The following CTNNBIP1 variants were observed in gnomAD, a reference collection of about 807,000 sequenced individuals.
The protein encoded by CTNNBIP1 is beta-catenin-interacting protein 1.
Under a neutral mutation model 11.8 loss-of-function variants are expected in CTNNBIP1, and 7 were observed. That is an observed-to-expected ratio of 0.60 (90% confidence interval 0.34 to 1.12). CTNNBIP1 has a LOEUF of 1.12. Among genes scored for constraint, CTNNBIP1 ranks in the 50% most tolerant of loss-of-function variants. The pLI is 0.03. For synonymous variants in CTNNBIP1, 58 were observed against 43.9 expected, an observed-to-expected ratio of 1.32 and a Z score of -1.26; for missense variants, 101 against 113.4, an observed-to-expected ratio of 0.89 and a Z score of 0.50.
At chr1:9,864,591 G>C (rs1638706426) in intron 5 of CTNNBIP1, among the ~76,000 whole-genome samples, 1 of 152,202 alleles carries the variant, frequency 6.6e-6, no homozygotes, top group Non-Finnish European at 1.5e-5. Flanking sequence ...GCCTCCGAAA[G>C]TGCTGAGATT....
chr1:9,880,777 G>A lies in CTNNBIP1; in HGVS notation c.-109-2788C>T, dbSNP rs1329369850. On this transcript the variant is annotated intron_variant, in intron 2 of 5. Transcript: ENST00000377263. ...CCCATCCATGTAAGACAGTAAGCAC[G>A]CTCCAATAACTAGATTCAGTTTTCA... Among the ~76,000 whole-genome samples, 4 of 152,188 alleles carry A rather than the reference G, an allele frequency of 2.6e-5. No individual in the cohort carries two copies. The East Asian group carries it at 7.7e-4, about 29-fold the overall frequency.
At chr1:9,887,449 G>T (rs1306402555) in intron 1 of CTNNBIP1, among the ~76,000 whole-genome samples, 2 of 152,208 alleles carry the variant, frequency 1.3e-5, no homozygotes, top group Non-Finnish European at 2.9e-5. Flanking sequence ...GGGCACAGTG[G>T]CTCACGCCTG....
Position 9,871,584 on chromosome 1 carries a change from C to T in CTNNBIP1, c.97-307G>A, listed in dbSNP as rs151308766. ...GGCTGAGGGGCGATTCCATGTCCCT[C>T]CACTCTTTTTGAGAAATACCCCTGC... On this transcript the variant is annotated intron_variant, in intron 4 of 5. Coordinates refer to ENST00000377263, the MANE Select transcript of CTNNBIP1 (RefSeq NM_020248.3). The surrounding 1 kb of genome is among the most constrained non-coding windows in gnomAD (Gnocchi z 5.2). Among the ~76,000 whole-genome samples the T allele has an allele frequency of 3.9e-5, 6 of 152,310 alleles. No individual in the cohort carries two copies. The East Asian group carries it at 1.2e-3, about 29-fold the overall frequency.
At chr1:9,852,762 C>T (rs1471206348) in intron 5 of CTNNBIP1, among the ~76,000 whole-genome samples, 1 of 152,214 alleles carries the variant, frequency 6.6e-6, no homozygotes, top group Non-Finnish European at 1.5e-5. Context: ...ATGGTGGCAG[C>T]CCGCTCACTC....
At chr1:9,886,869 T>C (rs914615651) in intron 1 of CTNNBIP1, among the ~76,000 whole-genome samples, 1 of 152,084 alleles carries the variant, frequency 6.6e-6, no homozygotes, top group African/African-American at 2.4e-5. Context: ...TCTCAGTAAT[T>C]AAACTGCAAC....
intron 3 of CTNNBIP1, among the ~76,000 whole-genome samples, chr1:9,876,889 C>CACACAG (rs1491117436): frequency 7.2e-6 from 1 of 138,938 alleles, no homozygotes; most frequent in African/African-American, 2.7e-5. Flanking sequence ...CACACACACA[C>CACACAG]AGTTCAGAGC....
intron 1 of CTNNBIP1, among the ~76,000 whole-genome samples, chr1:9,895,426 G>A (rs566663411): frequency 2.7e-5 from 4 of 146,176 alleles, no homozygotes; most frequent in South Asian, 2.2e-4. Flanking sequence ...TTGAACTCCT[G>A]ACTTCACGTG....
At position 9,850,394 on chromosome 1, in the gene CTNNBIP1, C is replaced by A; in HGVS notation, c.*324G>T. On this transcript the variant is annotated 3_prime_UTR_variant, in exon 6 of 6. Coordinates refer to ENST00000377263, the MANE Select transcript of CTNNBIP1 (RefSeq NM_020248.3). ...GAGCTCGGAGAGCTTCCAGGGAAGC[C>A]AGATACCGAGGCGCAAATTTTTTAA... is the stretch of plus-strand genomic sequence containing the variant. 1 of 238,370 alleles carries A rather than the reference C, an allele frequency of 4.2e-6. No individual in the cohort carries two copies. The highest frequency in any genetic ancestry group is 8.2e-6 in the Non-Finnish European group (1 of 121,410). 14.8% of individuals were successfully genotyped at this position (238,370 alleles called of 1,614,324 possible). A position where few individuals can be genotyped will look rare whatever the true frequency, so the allele number is the denominator to read the frequency against.
chr1:9,857,014 C>A (rs1380547907), intron 5 of CTNNBIP1, among the ~76,000 whole-genome samples: 3 of 147,440 alleles, frequency 2.0e-5, no homozygotes, highest in African/African-American at 5.0e-5. Context: ...CCCAGCTACT[C>A]GGGAGGTTGA....
rs568770487 is a variant in CTNNBIP1 at position 9,896,600 on chromosome 1, C to T, written c.-143-12862G>A. Among the ~76,000 whole-genome samples, 320 of 151,706 alleles carry T rather than the reference C, an allele frequency of 2.1e-3. 1 individual carries two copies. Among genetic ancestry groups the T allele is most frequent in the African/African-American group, 7.4e-3 (305 of 41,348 alleles). On this transcript the variant is annotated intron_variant, in intron 1 of 5. Transcript: ENST00000377263. ...TTCTAATCCCAGGATTTTGGGAGGC[C>T]GAGGTGGGCAGATCACAAGGTCAGG...
chr1:9,886,072 G>A (rs1161111416), intron 1 of CTNNBIP1, among the ~76,000 whole-genome samples: 2 of 151,368 alleles, frequency 1.3e-5, no homozygotes, highest in Admixed American at 1.3e-4. Flanking sequence ...TACAGTATGG[G>A]GGATGGGAGT....
Position 9,867,592 on chromosome 1 carries a change from T to C in CTNNBIP1, c.187+3595A>G, listed in dbSNP as rs1420953764. On this transcript the variant is annotated intron_variant, in intron 5 of 5. Transcript: ENST00000377263. The surrounding 1 kb of genome is among the most constrained non-coding windows in gnomAD (Gnocchi z 4.6). Reference sequence around the variant, plus strand: ...CCTGCTAGAGGAGTCCCGGGGTAGATGGAGCCTCCTCTGGCTCAGGGAACA... The same window carrying C: ...CCTGCTAGAGGAGTCCCGGGGTAGACGGAGCCTCCTCTGGCTCAGGGAACA... 6.6e-6 allele frequency among the ~76,000 whole-genome samples: 1 copy of C among 152,166 alleles called. No individual in the cohort carries two copies. Among genetic ancestry groups the C allele is most frequent in the Non-Finnish European group, 1.5e-5 (1 of 67,994 alleles).
At position 9,871,992 on chromosome 1, in the gene CTNNBIP1, T is replaced by C. The variant is rs1397261310; in HGVS notation, c.73A>G (p.Met25Val). 3.1e-6 allele frequency: 5 copies of C among 1,614,006 alleles called. No homozygotes were observed. The highest frequency in any genetic ancestry group is 1.3e-5 in the African/African-American group (1 of 74,938). Residue 25 changes from methionine to valine, a missense_variant, in exon 4 of 6, where the codon ATG (methionine) becomes GTG (valine). By Grantham distance (21) the Met-to-Val change is conservative. Transcript: ENST00000377263. This position sits in a 1 kb window ranked among gnomAD's most constrained non-coding sequence, Gnocchi z 5.2. ...ACGTTTGATCCCATCTTCCGCAGCA[T>C]GAGCAGCACTCGGACCTTCTGCTGA... ...YIQQKVRVLL[M>V]LRKMGSNLTA... is the part of the protein sequence containing the mutation.
intron 1 of CTNNBIP1, among the ~76,000 whole-genome samples, chr1:9,897,649 T>C (rs1350361947): frequency 1.3e-5 from 2 of 148,924 alleles, no homozygotes; most frequent in Non-Finnish European, 3.0e-5. Context: ...AAGACTCCGT[T>C]TCAAAAAAAA....
intron 1 of CTNNBIP1, among the ~76,000 whole-genome samples, chr1:9,906,320 G>C (rs1387977984): frequency 6.6e-6 from 1 of 152,208 alleles, no homozygotes; most frequent in Non-Finnish European, 1.5e-5. Flanking sequence ...CACTTTAGGA[G>C]GCCGAGGTGG....
intron 1 of CTNNBIP1, among the ~76,000 whole-genome samples, chr1:9,894,854 C>T (rs890759720): frequency 1.3e-5 from 2 of 151,912 alleles, no homozygotes; most frequent in Non-Finnish European, 2.9e-5. Context: ...GATTCTCCTG[C>T]CTCAGCCTCC....
Position 9,871,780 on chromosome 1 carries a change from C to T in CTNNBIP1, c.96+189G>A, listed in dbSNP as rs920324293. On this transcript the variant is annotated intron_variant, in intron 4 of 5. Coordinates refer to ENST00000377263, the MANE Select transcript of CTNNBIP1 (RefSeq NM_020248.3). The surrounding 1 kb of genome is among the most constrained non-coding windows in gnomAD (Gnocchi z 5.2). The stretch of plus-strand genomic sequence containing the variant: ...AGTGTCGGGTGTCCCCAGAACTTGA[C>T]GTGCTGGGCTCTGTGCCTAGGGGGC... Among the ~76,000 whole-genome samples, 22 of 152,154 alleles carry T rather than the reference C, an allele frequency of 1.4e-4. No homozygotes were observed. The highest frequency in any genetic ancestry group is 1.3e-4 in the Admixed American group (2 of 15,286).
chr1:9,855,481 C>T (rs180845874), intron 5 of CTNNBIP1, among the ~76,000 whole-genome samples: 2 of 152,180 alleles, frequency 1.3e-5, no homozygotes, highest in Non-Finnish European at 2.9e-5. Flanking sequence ...GAAATAAACC[C>T]TCCAACTTAT....
At chr1:9,870,509 G>A (rs1359234144) in intron 5 of CTNNBIP1, among the ~76,000 whole-genome samples, 1 of 152,204 alleles carries the variant, frequency 6.6e-6, no homozygotes, top group Non-Finnish European at 1.5e-5. Flanking sequence ...GCATGACCAA[G>A]TGGCTTACTG....
Sources: gnomAD v4.1 joint callset for allele counts (sites outside exome capture counted in the v4.1 genomes callset) on GRCh38, gnomAD v4.1.1 for gene constraint, Gnocchi (gnomAD v3.1) non-coding constraint, MANE v1.5 for transcripts, NCBI Gene and HGNC (gene_info 2026-07-23, HGNC 2026-07-21) for gene names.